MAPK10: variants seen among roughly 807,000 people sequenced by gnomAD.
MAPK10 encodes JNK3 alpha protein kinase.
MAPK10 carries 25 observed loss-of-function variants against 59.3 expected under a neutral mutation model. The ratio of observed to expected loss-of-function variants is 0.42; its 90% CI spans 0.31 to 0.59. The LOEUF (loss-of-function observed/expected upper bound fraction) is 0.59. Among genes scored for constraint, MAPK10 ranks in the 20% least tolerant of loss-of-function variants. The pLI is 0.15. For missense variants in MAPK10, 351 were observed against 568.9 expected, an observed-to-expected ratio of 0.62 and a Z score of 3.90; for synonymous variants, 190 against 200.5, an observed-to-expected ratio of 0.95 and a Z score of 0.44.
chr4:86,358,288 T>C (rs1735534528), intron 1 of MAPK10: 1 of 985,290 alleles, frequency 1.0e-6, no homozygotes, highest in Admixed American at 6.1e-5. Context: ...ATAAGCATTC[T>C]GTGTTATCTT....
chr4:86,103,338 A>G, intron 5 of MAPK10, 94 bp from the exon 6 acceptor site: 1 of 707,318 alleles, frequency 1.4e-6, no homozygotes, highest in Admixed American at 2.2e-5. Flanking sequence ...AAAGTCACTC[A>G]CTAGTGCTAT....
chr4:86,114,538 A>G (rs538664247), intron 4 of MAPK10, among the ~76,000 whole-genome samples: 57 of 152,298 alleles, frequency 3.7e-4, no homozygotes, highest in African/African-American at 1.2e-3. Context: ...AACAGCAAAG[A>G]TGGCTGCCTG....
chr4:86,544,912 AC>A (rs1372861226), intron 1 of MAPK10, among the ~76,000 whole-genome samples: 1 of 152,102 alleles, frequency 6.6e-6, no homozygotes, highest in Non-Finnish European at 1.5e-5. Flanking sequence ...TCAACAGGAA[AC>A]AAAATCTTCA....
chr4:86,181,709 A>C (rs2076972220), intron 3 of MAPK10, among the ~76,000 whole-genome samples: 1 of 152,078 alleles, frequency 6.6e-6, no homozygotes, highest in South Asian at 2.1e-4. Context: ...CTGGGAGTTA[A>C]GGAGGAAGAT....
chr4:86,434,164 C>T (rs868658649), intron 1 of MAPK10, among the ~76,000 whole-genome samples: 13 of 152,166 alleles, frequency 8.5e-5, no homozygotes, highest in Middle Eastern at 3.4e-3. Flanking sequence ...TTTCAATAGA[C>T]GATACTGGGA....
chr4:86,235,638 T>A (rs1411243840), intron 2 of MAPK10, among the ~76,000 whole-genome samples: 1 of 152,190 alleles, frequency 6.6e-6, no homozygotes, highest in African/African-American at 2.4e-5. Flanking sequence ...GTACTGCTAA[T>A]GTAAAGACAA....
chr4:86,419,601 T>C (rs948241416), intron 1 of MAPK10, among the ~76,000 whole-genome samples: 1 of 152,208 alleles, frequency 6.6e-6, no homozygotes, highest in Non-Finnish European at 1.5e-5. Flanking sequence ...AGTTTTTGTA[T>C]GTACTTGACT....
At chr4:86,543,833 A>T (rs1323891701) in intron 1 of MAPK10, among the ~76,000 whole-genome samples, 2 of 152,314 alleles carry the variant, frequency 1.3e-5, no homozygotes, top group African/African-American at 4.8e-5. Context: ...TAAGTGAAGA[A>T]GGGAAAGGAG....
chr4:86,354,102 TTGTGTG>T (rs761588734), intron 2 of MAPK10, among the ~76,000 whole-genome samples: 1 of 148,120 alleles, frequency 6.8e-6, no homozygotes, highest in Non-Finnish European at 1.5e-5. Flanking sequence ...AAGAGCTAAA[TTGTGTG>T]TGTGTGTGTG....
intron 13 of MAPK10, chr4:86,027,536 A>G (rs1255952364): frequency 6.6e-6 from 1 of 152,252 alleles, no homozygotes; most frequent in African/African-American, 2.4e-5. Flanking sequence ...GGAGATTAAT[A>G]GAGTGAATAA....
At chr4:86,347,249 C>T (rs974054876) in intron 2 of MAPK10, among the ~76,000 whole-genome samples, 5 of 152,228 alleles carry the variant, frequency 3.3e-5, no homozygotes, top group African/African-American at 1.2e-4. Flanking sequence ...GTTATGTTAA[C>T]CAATTTTTCA....
At chr4:86,511,548 T>C (rs1286590386) in intron 1 of MAPK10, among the ~76,000 whole-genome samples, 2 of 150,922 alleles carry the variant, frequency 1.3e-5, no homozygotes, top group Non-Finnish European at 2.9e-5. Flanking sequence ...GCCTGGGCGA[T>C]AGAACCAGAT....
At chr4:86,579,553 T>A (rs1273148699) in intron 1 of MAPK10, among the ~76,000 whole-genome samples, 1 of 117,754 alleles carries the variant, frequency 8.5e-6, no homozygotes, top group Non-Finnish European at 1.9e-5. Context: ...ACACACACAC[T>A]TTCTTATATT....
chr4:86,492,785 T>C (rs1477265979), intron 1 of MAPK10, among the ~76,000 whole-genome samples: 1 of 152,216 alleles, frequency 6.6e-6, no homozygotes, highest in Non-Finnish European at 1.5e-5. Context: ...TAGGACTGTA[T>C]GTTTTGCTTT....
At chr4:86,583,081 C>T (rs1189271239) in intron 1 of MAPK10, among the ~76,000 whole-genome samples, 1 of 152,136 alleles carries the variant, frequency 6.6e-6, no homozygotes, top group African/African-American at 2.4e-5. Flanking sequence ...ACCCAGTGAA[C>T]ACTAACTCTG....
chr4:86,061,927 A>C (rs919589948), intron 11 of MAPK10, among the ~76,000 whole-genome samples: 2 of 152,194 alleles, frequency 1.3e-5, no homozygotes, highest in African/African-American at 4.8e-5. Flanking sequence ...ATATCACTAT[A>C]TTATAGCTTT....
intron 1 of MAPK10, among the ~76,000 whole-genome samples, chr4:86,592,923 T>A (rs2149119301): frequency 6.6e-6 from 1 of 152,332 alleles, no homozygotes; most frequent in South Asian, 2.1e-4. Flanking sequence ...TCAAATTGTT[T>A]CAAGAGTGCT....
chr4:86,430,707 G>A (rs376702619), intron 1 of MAPK10, among the ~76,000 whole-genome samples: 1 of 152,140 alleles, frequency 6.6e-6, no homozygotes, highest in South Asian at 2.1e-4. Flanking sequence ...TGAATGAAGA[G>A]GTGTGGCAGT....
chr4:86,483,661 A>G (rs1277893214), intron 1 of MAPK10, among the ~76,000 whole-genome samples: 1 of 152,148 alleles, frequency 6.6e-6, no homozygotes, highest in Non-Finnish European at 1.5e-5. Flanking sequence ...TATACCTCCA[A>G]TTATTGCATT....
Sources: allele counts gnomAD v4.1 joint callset (sites outside exome capture counted in the v4.1 genomes callset), GRCh38; gene constraint gnomAD v4.1.1; transcripts MANE v1.5; gene names NCBI Gene and HGNC (gene_info 2026-07-23, HGNC 2026-07-21).